ATXN2L: variants seen among roughly 807,000 people sequenced by gnomAD.
ATXN2L encodes ataxin-2-like protein.
Under a neutral mutation model 120.7 loss-of-function variants are expected in ATXN2L, and 24 were observed. That is an observed-to-expected ratio of 0.20 (90% CI 0.14 to 0.28). The LOEUF is 0.28. Ranked by LOEUF, ATXN2L falls within the 10% of genes least tolerant of loss-of-function variation. The pLI, the probability that ATXN2L is intolerant of heterozygous loss-of-function variation, is 1.00. For synonymous variants in ATXN2L, 653 were observed against 568.1 expected, an observed-to-expected ratio of 1.15 and a Z score of -2.13; for missense variants, 1,312 against 1,432.3, an observed-to-expected ratio of 0.92 and a Z score of 1.36.
At position 28,834,621 on chromosome 16, in the gene ATXN2L, C is replaced by T. The variant is rs759132451; in HGVS notation, c.2361C>T (p.Tyr787=). 6.2e-7 allele frequency: 1 copy of T among 1,613,998 alleles called. No homozygotes were observed. Among genetic ancestry groups the T allele is most frequent in the South Asian group, 1.1e-5 (1 of 91,086 alleles). Residue 787 remains tyrosine (Y), a synonymous_variant, in exon 18 of 22, where the codon TAC becomes TAT. Coordinates refer to ENST00000336783, the MANE Select transcript of ATXN2L (RefSeq NM_007245.4). Reference sequence around the variant, plus strand: ...TGGCTGCCACGCCCTATTCTTCCTACATCCCCTACAACCCTCAGCAGTTCC... The same window carrying T: ...TGGCTGCCACGCCCTATTCTTCCTATATCCCCTACAACCCTCAGCAGTTCC... The part of the protein sequence containing the change: ...PLVAATPYSS[Y]IPYNPQQFPG...
At chr16:28,830,450 A>G (rs980787852) in intron 8 of ATXN2L, among the ~76,000 whole-genome samples, 165 bp from the exon 9 acceptor site, 3 of 152,156 alleles carry the variant, frequency 2.0e-5, no homozygotes, top group Admixed American at 6.5e-5. Context: ...GTCCGTAGCC[A>G]CAGAACGTTA....
intron 2 of ATXN2L, 25 bp from the exon 3 acceptor site, chr16:28,825,599 T>C (rs1477328554): frequency 6.2e-7 from 1 of 1,609,932 alleles, no homozygotes; most frequent in Non-Finnish European, 8.5e-7. Flanking sequence ...ACTCCTTTAA[T>C]TCTCCCTCTT....
At position 28,825,629 on chromosome 16, in the gene ATXN2L, T is replaced by A; in HGVS notation, c.342T>A (p.Phe114Leu). The change falls in exon 3 of 22, where the codon TTT becomes TTA. Residue 114 changes from phenylalanine to leucine, a missense_variant. Physicochemically the swap from Phe to Leu is conservative, Grantham distance 22 (BLOSUM62 0). Coordinates refer to ENST00000336783, the MANE Select transcript of ATXN2L (RefSeq NM_007245.4). Reference protein sequence around the residue: ...TGKGPPQSPVFEGVYNNSRML... With the variant: ...TGKGPPQSPVLEGVYNNSRML... ...CCTCTTATGTTAACTGACAGGTGTT[T>A]GAAGGCGTCTACAACAATTCCAGAA... is the stretch of plus-strand genomic sequence containing the variant. The A allele has an allele frequency of 6.2e-7, 1 of 1,614,144 alleles. No homozygotes were observed. The highest frequency in any genetic ancestry group is 8.5e-7 in the Non-Finnish European group (1 of 1,179,948).
At chr16:28,827,059 G>C (rs1376841672) in intron 6 of ATXN2L, 73 bp downstream of exon 6, 2 of 1,322,608 alleles carry the variant, frequency 1.5e-6, no homozygotes. Context: ...GTTCATTTGA[G>C]TGGGGAGGGA....
chr16:28,824,175 A>C (rs569527513), intron 1 of ATXN2L: 4 of 1,036,348 alleles, frequency 3.9e-6, no homozygotes, highest in African/African-American at 1.7e-5. Context: ...GCTCGGTCTC[A>C]TGACCCGGGC....
At chr16:28,831,511 G>A (rs1217486967) in intron 10 of ATXN2L, among the ~76,000 whole-genome samples, 1 of 152,132 alleles carries the variant, frequency 6.6e-6, no homozygotes, top group African/African-American at 2.4e-5. Context: ...TGTATTTTTA[G>A]TAGAAGCGGG....
At position 28,835,663 on chromosome 16, in the gene ATXN2L, T is replaced by G. The variant is rs749941921; in HGVS notation, c.2800T>G (p.Ser934Ala). 1 of 1,613,734 alleles carries G rather than the reference T, an allele frequency of 6.2e-7. No individual in the cohort carries two copies. The highest frequency in any genetic ancestry group is 8.5e-7 in the Non-Finnish European group (1 of 1,179,918). The stretch of plus-strand genomic sequence containing the variant: ...TCTGCCACCGGGACCTTCTGCCCAG[T>G]CCCCTCAGAGCAGCTTCCCCCAGCC... ...PSLPPGPSAQSPQSSFPQPAA... is the reference protein window; with the variant it reads ...PSLPPGPSAQAPQSSFPQPAA... Residue 934 changes from serine (S) to alanine (A), a missense_variant, in exon 21 of 22, where the codon TCC becomes GCC. Coordinates refer to ENST00000336783, the MANE Select transcript of ATXN2L (RefSeq NM_007245.4).
chr16:28,824,007 A>AG (rs1054720653), intron 1 of ATXN2L: 50 of 710,670 alleles, frequency 7.0e-5, no homozygotes, highest in Non-Finnish European at 8.3e-5. Context: ...GCCAATGGGG[A>AG]GGGAGGGACT....
At chr16:28,832,059 G>A (rs778632259) in intron 10 of ATXN2L, 146 bp from the exon 11 acceptor site, 19 of 795,304 alleles carry the variant, frequency 2.4e-5, no homozygotes, top group Non-Finnish European at 3.1e-5. Context: ...TTACCTGCTT[G>A]TGTTACCTGC....
chr16:28,836,661 C>T lies in ATXN2L; in HGVS notation c.*396C>T. On this transcript the variant is annotated 3_prime_UTR_variant, in exon 22 of 22. Transcript: ENST00000336783. ...ACACCCCCACGCCCCCACTGGACGG[C>T]ATTGGAGGAAGGGACAGCTGCTTGG... 1 of 1,613,024 alleles carries T rather than the reference C, an allele frequency of 6.2e-7. No homozygotes were observed.
intron 2 of ATXN2L, 107 bp downstream of exon 2, chr16:28,825,509 G>A: frequency 1.3e-6 from 2 of 1,527,376 alleles, no homozygotes; most frequent in Non-Finnish European, 1.8e-6. Flanking sequence ...ACTCAGGAGG[G>A]CTGTGGGCCC....
Position 28,830,956 on chromosome 16 carries a change from A to G in ATXN2L, c.1211-6A>G. ...CTTCTCAAAAAAAAAAAAAAAAACC[A>G]AACAGGCCCTTCCCGCATGTCCCCA... is the stretch of plus-strand genomic sequence containing the variant. On this transcript the variant is annotated splice_polypyrimidine_tract_variant and splice_region_variant and intron_variant, in intron 9 of 21. Coordinates refer to ENST00000336783, the MANE Select transcript of ATXN2L (RefSeq NM_007245.4). The G allele has an allele frequency of 6.5e-7, 1 of 1,548,080 alleles. No individual in the cohort carries two copies.
chr16:28,824,266 G>T (rs1186272200), intron 1 of ATXN2L: 1 of 1,159,552 alleles, frequency 8.6e-7, no homozygotes, highest in East Asian at 6.9e-5. Context: ...AGTAGTGGAG[G>T]CCCTGCTCAG....
intron 15 of ATXN2L, 134 bp from the exon 16 acceptor site, chr16:28,833,931 T>C (rs548634523): frequency 6.6e-6 from 7 of 1,054,696 alleles, no homozygotes; most frequent in East Asian, 2.5e-5. Context: ...GGGTTTAATG[T>C]GAGGCTTTAT....
chr16:28,824,369 G>A, intron 1 of ATXN2L: 2 of 1,235,236 alleles, frequency 1.6e-6, no homozygotes, highest in South Asian at 1.4e-5. Context: ...TGGGGGTTCG[G>A]AAAGTCCCGT....
Position 28,823,097 on chromosome 16 carries a change from G to A in ATXN2L, c.-163G>A, listed in dbSNP as rs979102742. On this transcript the variant is annotated 5_prime_UTR_variant, in exon 1 of 22. Coordinates refer to ENST00000336783, the MANE Select transcript of ATXN2L (RefSeq NM_007245.4). ...GCCTCGCGGCGCTTCCTCGCGCCGC[G>A]GTCTTCTCTCTCCACCCCCGACACC... 2.6e-5 allele frequency: 7 copies of A among 272,968 alleles called. No homozygotes were observed. Among genetic ancestry groups the A allele is most frequent in the Admixed American group, 5.4e-5 (1 of 18,428 alleles). 16.9% of individuals were successfully genotyped at this position (272,968 alleles called of 1,614,324 possible).
Position 28,824,664 on chromosome 16 carries a change from A to G in ATXN2L, c.300-702A>G, listed in dbSNP as rs1023898081. ...TGATTGTCTTTTCTGTTTGGGAGGT[A>G]ATGTACCTGAGCTAGGTAGTTCCAA... On this transcript the variant is annotated intron_variant, in intron 1 of 21. Coordinates refer to ENST00000336783, the MANE Select transcript of ATXN2L (RefSeq NM_007245.4). 49 of 1,059,928 alleles carry G rather than the reference A, an allele frequency of 4.6e-5. No individual in the cohort carries two copies. In the African/African-American group the frequency reaches 8.0e-4, roughly 17 times the overall value. 65.7% of individuals were successfully genotyped at this position (1,059,928 alleles called of 1,614,324 possible).
chr16:28,830,894 G>A, intron 9 of ATXN2L, 68 bp from the exon 10 acceptor site: 1 of 1,493,536 alleles, frequency 6.7e-7, no homozygotes, highest in Non-Finnish European at 9.0e-7. Flanking sequence ...CGCTGCATCG[G>A]TGGGAATGTA....
intron 15 of ATXN2L, 148 bp downstream of exon 15, chr16:28,833,656 C>T (rs992761497): frequency 3.4e-6 from 3 of 887,626 alleles, no homozygotes; most frequent in Admixed American, 2.4e-5. Flanking sequence ...GTAAGGATGG[C>T]ACCTTTGGGG....
Sources: gnomAD v4.1 joint callset for allele counts (sites outside exome capture counted in the v4.1 genomes callset) on GRCh38, gnomAD v4.1.1 for gene constraint, MANE v1.5 for transcripts, NCBI Gene and HGNC (gene_info 2026-07-23, HGNC 2026-07-21) for gene names.